The following NPC1 variants were observed in gnomAD, a reference collection of about 807,000 sequenced individuals.
The protein encoded by NPC1 is NPC intracellular cholesterol transporter 1.
In NPC1, 85 loss-of-function variants were observed where a neutral mutation model predicts 140.4. That is an observed-to-expected ratio of 0.61 (90% CI 0.51 to 0.72). The LOEUF (loss-of-function observed/expected upper bound fraction) is 0.72, where lower values mean the gene tolerates loss of function less well. NPC1 is among the 30% of genes least tolerant of loss of function. The probability of loss-of-function intolerance (pLI) is 0.00; values close to 1 mark genes in which losing one functional copy is unlikely to be tolerated. For missense variants in NPC1, 1,504 were observed against 1,623.8 expected (o/e 0.93, Z 1.27); for synonymous variants, 656 against 624.8 (o/e 1.05, Z -0.74).
At chr18:23,541,241 C>T (rs370805297) in intron 15 of NPC1, 33 bp from the exon 16 acceptor site, 102 of 1,614,202 alleles carry the variant, frequency 6.3e-5, no homozygotes, top group Non-Finnish European at 8.0e-5. Context: ...AGGTTATACC[C>T]GCTAGCTGCT....
intron 1 of NPC1, among the ~76,000 whole-genome samples, chr18:23,575,897 G>A (rs61452023): frequency 0.36 from 55,070 of 151,550 alleles, 11,430 homozygotes; most frequent in Admixed American, 0.46. Flanking sequence ...GACCAGCCTG[G>A]GCAACACAGT....
intron 23 of NPC1, 47 bp downstream of exon 23, chr18:23,534,399 A>ACTT: frequency 8.0e-7 from 1 of 1,243,324 alleles, no homozygotes; most frequent in Non-Finnish European, 1.2e-6. Context: ...GAGGAGGATT[A>ACTT]CTTTGTGGTG....
At chr18:23,527,693 T>C (rs1254550542), downstream of NPC1, 5 of 879,402 alleles carry the variant, frequency 5.7e-6, no homozygotes, top group East Asian at 2.8e-5. Context: ...TACTTTTGCA[T>C]TGGTAACCTT....
intron 20 of NPC1, among the ~76,000 whole-genome samples, chr18:23,538,335 C>T (rs2145365286): frequency 6.6e-6 from 1 of 152,282 alleles, no homozygotes; most frequent in South Asian, 2.1e-4. Context: ...GATGTGAATG[C>T]CCACGCTAAG....
At chr18:23,576,629 G>A (rs8093440) in intron 1 of NPC1, 106,970 of 272,074 alleles carry the variant, frequency 0.39, 22,911 homozygotes, top group Admixed American at 0.46. Flanking sequence ...TGGCGCGTCT[G>A]GAATCTGTCC....
At chr18:23,559,633 G>A (rs895098879) in intron 6 of NPC1, among the ~76,000 whole-genome samples, 2 of 150,842 alleles carry the variant, frequency 1.3e-5, no homozygotes, top group Admixed American at 1.3e-4. Context: ...CACTGAGCCT[G>A]GCCTTGACTC....
intron 1 of NPC1, chr18:23,524,007 T>A (rs891386): frequency 3.7e-6 from 4 of 1,092,742 alleles, no homozygotes; most frequent in Non-Finnish European, 5.5e-6. Flanking sequence ...CATTTCTTCC[T>A]TGACTACAAT....
At chr18:23,569,021 T>C (rs1473893263) in intron 3 of NPC1, 23 bp from the exon 4 acceptor site, 3 of 1,552,798 alleles carry the variant, frequency 1.9e-6, no homozygotes, top group East Asian at 4.5e-5. Flanking sequence ...TAAATTATAT[T>C]CTGCATGATC....
downstream of NPC1, among the ~76,000 whole-genome samples, chr18:23,527,551 G>A (rs1464177552): frequency 3.4e-5 from 5 of 147,260 alleles, no homozygotes; most frequent in Non-Finnish European, 7.4e-5. Flanking sequence ...AAAGTGCTGG[G>A]ATTATAGGCA....
intron 4 of NPC1, among the ~76,000 whole-genome samples, chr18:23,566,751 T>C (rs1567975282): frequency 6.6e-6 from 1 of 152,214 alleles, no homozygotes; most frequent in Admixed American, 6.5e-5. Context: ...AGTACTTTTG[T>C]TTCAAAATGT....
At position 23,573,530 on chromosome 18, in the gene NPC1, T is replaced by C. The variant is rs1259307243; in HGVS notation, c.102A>G (p.Ala34=). 6.2e-7 allele frequency: 1 copy of C among 1,614,182 alleles called. No homozygotes were observed. The highest frequency in any genetic ancestry group is 1.1e-5 in the South Asian group (1 of 91,086). The part of the protein sequence containing the change: ...SCVWYGECGI[A]YGDKRYNCEY... ...CGCAATTGTACCTCTTGTCCCCATA[T>C]GCAATTCCACACTCTCCATACCAAA... Residue 34 remains alanine, a synonymous_variant, in exon 2 of 25, where the codon GCA becomes GCG. Coordinates refer to ENST00000269228, the MANE Select transcript of NPC1 (RefSeq NM_000271.5).
chr18:23,573,325 T>C, intron 2 of NPC1, 127 bp downstream of exon 2: 2 of 1,323,350 alleles, frequency 1.5e-6, no homozygotes, highest in South Asian at 1.2e-5. Flanking sequence ...AGTTTGAGAG[T>C]CCGGGATAAG....
Position 23,554,850 on chromosome 18 carries a change from G to A in NPC1, c.1461C>T (p.Tyr487=). 6.2e-7 allele frequency: 1 copy of A among 1,614,178 alleles called. No individual in the cohort carries two copies. Among genetic ancestry groups the A allele is most frequent in the Non-Finnish European group, 8.5e-7 (1 of 1,180,014 alleles). ...TNCTILSVLN[Y]FQNSHSVLDH... ...CCAGCACGGAATGGCTGTTCTGGAAGTAATTTAACACACTCAAAATGGTGC... is the reference window on the plus strand; with the variant it reads ...CCAGCACGGAATGGCTGTTCTGGAAATAATTTAACACACTCAAAATGGTGC... The change falls in exon 9 of 25, where the codon TAC becomes TAT. Residue 487 remains tyrosine, a synonymous_variant. Transcript: ENST00000269228.
chr18:23,564,939 T>C (rs1027335207), intron 4 of NPC1, among the ~76,000 whole-genome samples: 1 of 152,234 alleles, frequency 6.6e-6, no homozygotes, highest in African/African-American at 2.4e-5. Flanking sequence ...AGAGTATTCT[T>C]TTCTCATTGA....
downstream of NPC1, chr18:23,526,603 C>A: frequency 6.2e-7 from 1 of 1,609,556 alleles, no homozygotes; most frequent in Non-Finnish European, 8.5e-7. Context: ...CGGTTTGCAT[C>A]ATACTGTTTT....
At chr18:23,531,419 C>A (rs2058500885), downstream of NPC1, 1 of 1,063,740 alleles carries the variant, frequency 9.4e-7, no homozygotes, top group Non-Finnish European at 1.3e-6. Context: ...CATTTAGTTA[C>A]CATAAGGACA....
At chr18:23,578,808 C>T (rs374486496) in intron 1 of NPC1, among the ~76,000 whole-genome samples, 2 of 152,246 alleles carry the variant, frequency 1.3e-5, no homozygotes, top group African/African-American at 4.8e-5. Flanking sequence ...GCCAATTCCT[C>T]TTCAACAGAG....
intron 10 of NPC1, among the ~76,000 whole-genome samples, chr18:23,549,402 C>G (rs2058834752): frequency 6.6e-6 from 1 of 152,072 alleles, no homozygotes; most frequent in South Asian, 2.1e-4. Context: ...CTTTGGGAGG[C>G]CAAGGTGGGT....
intron 21 of NPC1, among the ~76,000 whole-genome samples, chr18:23,536,245 C>G (rs1567946294): frequency 6.6e-6 from 1 of 152,182 alleles, no homozygotes; most frequent in Non-Finnish European, 1.5e-5. Context: ...ATACATAATA[C>G]TTTTCTTCCT....
Sources: gnomAD v4.1 joint callset for allele counts (sites outside exome capture counted in the v4.1 genomes callset) on GRCh38, gnomAD v4.1.1 for gene constraint, MANE v1.5 for transcripts, NCBI Gene and HGNC (gene_info 2026-07-23, HGNC 2026-07-21) for gene names.